Variants in SPRING1 observed in about 807,000 individuals in gnomAD.
The protein encoded by SPRING1 is SREBP regulating gene protein.
Under a neutral mutation model 24.7 loss-of-function variants are expected in SPRING1, and 14 were observed. The observed-to-expected ratio is 0.57, with a 90% confidence interval of 0.37 to 0.88. The LOEUF is 0.88. Ranked by LOEUF, SPRING1 falls within the 40% of genes least tolerant of loss-of-function variation. The pLI is 0.00. For synonymous variants in SPRING1, 93 were observed against 106.1 expected (o/e 0.88, Z 0.76); for missense variants, 255 against 268.4 (o/e 0.95, Z 0.35).
chr12:116,719,658 CT>C, intron 4 of SPRING1, 104 bp downstream of exon 4: 1 of 894,356 alleles, frequency 1.1e-6, no homozygotes, highest in East Asian at 2.5e-5. Flanking sequence ...CTTCGAGTCT[CT>C]TCTCCCTTAC....
chr12:116,726,817 T>C (rs1410261814), intron 1 of SPRING1, among the ~76,000 whole-genome samples: 1 of 152,190 alleles, frequency 6.6e-6, no homozygotes, highest in East Asian at 1.9e-4. Context: ...TTAACATTAC[T>C]CCCACGCTAT....
intron 2 of SPRING1, among the ~76,000 whole-genome samples, 181 bp downstream of exon 2, chr12:116,722,886 G>T (rs1446640684): frequency 6.6e-6 from 1 of 152,230 alleles, no homozygotes; most frequent in Admixed American, 6.5e-5. Context: ...AAGCTTCTCT[G>T]ATGTTGAAGG....
rs948574438 is a variant in SPRING1 at position 116,738,035 on chromosome 12, T to A, written c.-135A>T. The A allele has an allele frequency of 9.1e-7, 1 of 1,097,138 alleles. No homozygotes were observed. Among genetic ancestry groups the A allele is most frequent in the African/African-American group, 1.7e-5 (1 of 59,852 alleles). 68.0% of individuals were successfully genotyped at this position (1,097,138 alleles called of 1,614,324 possible). On this transcript the variant is annotated 5_prime_UTR_variant, in exon 1 of 5. Transcript: ENST00000261318. ...CGGCCCCGCCGCCCGCAGCCCAGTC[T>A]GCTCCCGGCAGCCTTGGGCGCAGCC... is the stretch of plus-strand genomic sequence containing the variant.
intron 1 of SPRING1, among the ~76,000 whole-genome samples, chr12:116,729,707 C>T (rs944609683): frequency 2.0e-5 from 3 of 152,004 alleles, no homozygotes; most frequent in Non-Finnish European, 4.4e-5. Flanking sequence ...TAAATGCAAA[C>T]GCCAATCAAA....
chr12:116,719,947 C>T (rs1285821179), intron 3 of SPRING1, 71 bp from the exon 4 acceptor site: 1 of 1,305,182 alleles, frequency 7.7e-7, no homozygotes, highest in Non-Finnish European at 1.1e-6. Flanking sequence ...GCTATCTCTC[C>T]TAAACTAAGA....
intron 1 of SPRING1, among the ~76,000 whole-genome samples, chr12:116,725,204 C>G (rs146434113): frequency 1.3e-5 from 2 of 152,262 alleles, no homozygotes; most frequent in East Asian, 1.9e-4. Flanking sequence ...GTAAACAGTT[C>G]CTAAGTTTTA....
At chr12:116,731,892 G>A (rs1592923654) in intron 1 of SPRING1, among the ~76,000 whole-genome samples, 1 of 152,182 alleles carries the variant, frequency 6.6e-6, no homozygotes, top group South Asian at 2.1e-4. Flanking sequence ...CAGGCTGAAT[G>A]AGGCCCCCTC....
In SPRING1 at chr12:116,737,856, C is replaced by G; in HGVS notation, c.45G>C (p.Lys15Asn). The G allele has an allele frequency of 6.3e-7, 1 of 1,584,078 alleles. No homozygotes were observed. The highest frequency in any genetic ancestry group is 1.9e-4 in the Middle Eastern group (1 of 5,224). Residue 15 changes from lysine (K) to asparagine (N), a missense_variant, in exon 1 of 5, where the codon AAG becomes AAC. Lys to Asn is a moderately conservative substitution (Grantham distance 94). Coordinates refer to ENST00000261318, the MANE Select transcript of SPRING1 (RefSeq NM_024738.4). ...CGAAGACCAGGGCGAGCACCCACCT[C>G]TTCCGCAGAAGCCGGCGCCACACCA... ...AAMVWRRLLRKRWVLALVFGL... is the reference protein window; with the variant it reads ...AAMVWRRLLRNRWVLALVFGL...
intron 1 of SPRING1, among the ~76,000 whole-genome samples, chr12:116,729,225 G>A (rs1186372088): frequency 2.2e-5 from 1 of 45,476 alleles, no homozygotes; most frequent in East Asian, 5.6e-4. Context: ...TGTCTGGGTT[G>A]GAATACACCA....
At chr12:116,737,596 G>T (rs1827882526) in intron 1 of SPRING1, among the ~76,000 whole-genome samples, 194 bp downstream of exon 1, 1 of 146,722 alleles carries the variant, frequency 6.8e-6, no homozygotes, top group Admixed American at 6.8e-5. Context: ...AGGAAGATAA[G>T]GAAGGAGGGG....
chr12:116,735,829 C>T (rs1202631886), intron 1 of SPRING1, among the ~76,000 whole-genome samples: 7 of 151,648 alleles, frequency 4.6e-5, no homozygotes, highest in South Asian at 4.2e-4. Flanking sequence ...CACCTGAGGT[C>T]GGGAGTTCAA....
Position 116,716,870 on chromosome 12 carries a change from C to T in SPRING1, c.*940G>A, listed in dbSNP as rs982447384. 1 of 152,198 alleles carries T rather than the reference C, an allele frequency of 6.6e-6. No individual in the cohort carries two copies. Among genetic ancestry groups the T allele is most frequent in the Non-Finnish European group, 1.5e-5 (1 of 68,036 alleles). The allele number at this position is 152,198 out of a possible 1,614,324, so 9.4% of individuals were successfully genotyped here. A position where few individuals can be genotyped will look rare whatever the true frequency, so the allele number is the denominator to read the frequency against. On this transcript the variant is annotated 3_prime_UTR_variant, in exon 5 of 5. Coordinates refer to ENST00000261318, the MANE Select transcript of SPRING1 (RefSeq NM_024738.4). ...TGCGTCTGTTTAGGAATTGCCTCAA[C>T]GTTGGGTTTCTATTGATAGAACAGG...
rs566102441 is a variant in SPRING1 at position 116,733,054 on chromosome 12, AT to A, written c.111+4735del. On this transcript the variant is annotated intron_variant, in intron 1 of 4. Coordinates refer to ENST00000261318, the MANE Select transcript of SPRING1 (RefSeq NM_024738.4). ...GCACAGTAATAAAGATGGGGAATAA[AT>A]CTGTAAGGTTATCTGAAAAAAGCGT... Among the ~76,000 whole-genome samples the A allele has an allele frequency of 2.9e-4, 44 of 152,348 alleles. No individual in the cohort carries two copies. The East Asian group carries it at 7.7e-3, about 27-fold the overall frequency.
chr12:116,731,452 A>G (rs1396571311), intron 1 of SPRING1, among the ~76,000 whole-genome samples: 1 of 152,156 alleles, frequency 6.6e-6, no homozygotes, highest in Admixed American at 6.5e-5. Context: ...AGGTTATTAT[A>G]AAAAACTAAA....
At position 116,737,997 on chromosome 12, in the gene SPRING1, T is replaced by A. The variant is rs1458915804; in HGVS notation, c.-97A>T. Reference sequence around the variant, plus strand: ...CCTACGCGCCCGGCAGCCCCATCCCTCCAGGCAGGCGCCGGCCCCGCCGCC... The same window carrying A: ...CCTACGCGCCCGGCAGCCCCATCCCACCAGGCAGGCGCCGGCCCCGCCGCC... On this transcript the variant is annotated 5_prime_UTR_variant, in exon 1 of 5. Transcript: ENST00000261318. 8.6e-7 allele frequency: 1 copy of A among 1,157,674 alleles called. No homozygotes were observed. Among genetic ancestry groups the A allele is most frequent in the African/African-American group, 1.6e-5 (1 of 61,108 alleles). The allele number at this position is 1,157,674 out of a possible 1,614,324, so 71.7% of individuals were successfully genotyped here.
chr12:116,723,675 C>A (rs1460490191), intron 1 of SPRING1, among the ~76,000 whole-genome samples: 1 of 152,182 alleles, frequency 6.6e-6, no homozygotes, highest in East Asian at 1.9e-4. Flanking sequence ...ATCTAGAGCA[C>A]AAAATCCCTT....
In SPRING1 at chr12:116,712,614, A is replaced by T. The variant is rs1490910754; in HGVS notation, c.*5196T>A. On this transcript the variant is annotated 3_prime_UTR_variant, in exon 5 of 5. Transcript: ENST00000261318. ...CTACTTACTTATGTGATACCTTTTT[A>T]GTAGAATGACTAGTTTTCTAAACAG... 1 of 152,076 alleles carries T rather than the reference A, an allele frequency of 6.6e-6. No individual in the cohort carries two copies. Among genetic ancestry groups the T allele is most frequent in the Non-Finnish European group, 1.5e-5 (1 of 68,018 alleles). 9.4% of individuals were successfully genotyped at this position (152,076 alleles called of 1,614,324 possible).
chr12:116,720,304 G>A lies in SPRING1; in HGVS notation c.412C>T (p.Pro138Ser). The A allele has an allele frequency of 1.2e-6, 2 of 1,609,730 alleles. No individual in the cohort carries two copies. Among genetic ancestry groups the A allele is most frequent in the South Asian group, 2.2e-5 (2 of 90,298 alleles). Residue 138 changes from proline to serine, a missense_variant, in exon 3 of 5, where the codon CCC (proline) becomes TCC (serine). Pro to Ser is a moderately conservative substitution (Grantham distance 74, BLOSUM62 -1). Transcript: ENST00000261318. This position sits in a 1 kb window ranked among gnomAD's most constrained non-coding sequence, Gnocchi z 4.0. ...GGATCAACTCCCCATACCTTGTTGGGCTGCAGGCAGCAGGAGACACAGTAC... is the reference window on the plus strand; with the variant it reads ...GGATCAACTCCCCATACCTTGTTGGACTGCAGGCAGCAGGAGACACAGTAC... Reference protein sequence around the residue: ...YEYCVSCCLQPNKQLLLERFL... With the variant: ...YEYCVSCCLQSNKQLLLERFL...
At position 116,737,903 on chromosome 12, in the gene SPRING1, CGGCGCGGACGTGGGGCGCGGCGGCCGG is replaced by C. The variant is rs756086557; in HGVS notation, c.-30_-4del. On this transcript the variant is annotated 5_prime_UTR_variant, in exon 1 of 5. Coordinates refer to ENST00000261318, the MANE Select transcript of SPRING1 (RefSeq NM_024738.4). ...ACCATGGCCGCCAGGTTCACCATCCCGGCGCGGACGTGGGGCGCGGCGGCCGGGGCGCGGAACGCGGCAGGCCCGGGT... is the reference window on the plus strand; with the variant it reads ...ACCATGGCCGCCAGGTTCACCATCCCGGCGCGGAACGCGGCAGGCCCGGGT... 1.2e-5 allele frequency: 19 copies of C among 1,549,786 alleles called. No individual in the cohort carries two copies. The South Asian group carries it at 1.3e-4, about 10-fold the overall frequency.
Sources: allele counts gnomAD v4.1 joint callset (sites outside exome capture counted in the v4.1 genomes callset), GRCh38; gene constraint gnomAD v4.1.1; non-coding constraint Gnocchi (gnomAD v3.1); transcripts MANE v1.5; gene names NCBI Gene and HGNC (gene_info 2026-07-23, HGNC 2026-07-21).